Variants in CTNNA2 observed in about 807,000 individuals in gnomAD.
The protein encoded by CTNNA2 is catenin alpha 2.
Under a neutral mutation model 101.0 loss-of-function variants are expected in CTNNA2, and 42 were observed. The observed-to-expected ratio is 0.42, with a 90% CI of 0.32 to 0.54. CTNNA2 has a LOEUF of 0.54. CTNNA2 is among the 20% of genes least tolerant of loss of function. CTNNA2 has a pLI of 0.14. For synonymous variants in CTNNA2, 450 were observed against 456.4 expected, an observed-to-expected ratio of 0.99 and a Z score of 0.18; for missense variants, 871 against 1,223.1, an observed-to-expected ratio of 0.71 and a Z score of 4.29.
intron 1 of CTNNA2, among the ~76,000 whole-genome samples, chr2:79,605,991 C>G (rs1278811479): frequency 6.6e-6 from 1 of 151,656 alleles, no homozygotes; most frequent in Non-Finnish European, 1.5e-5. Flanking sequence ...TTTTAAAATG[C>G]TGAAAGAAAA....
intron 4 of CTNNA2, among the ~76,000 whole-genome samples, chr2:79,495,166 C>A (rs146137214): frequency 0.01 from 1,544 of 151,952 alleles, 18 homozygotes; most frequent in South Asian, 0.068. Flanking sequence ...GCAAATGACA[C>A]CATAGAAGGA....
At position 79,199,317 on chromosome 2, in the gene CTNNA2, T is replaced by C. The variant is rs150160398; in HGVS notation, c.-406+1241T>C. ...TTTAGGTAAATGCAAAGTTCCCTAT[T>C]CTTGTCCCCACAAATAAAACAATGA... On this transcript the variant is annotated intron_variant, in intron 2 of 21. Coordinates refer to the CTNNA2 transcript ENST00000466387. 1.6e-4 allele frequency among the ~76,000 whole-genome samples: 24 copies of C among 152,290 alleles called. No homozygotes were observed. The East Asian group carries it at 4.6e-3, about 29-fold the overall frequency.
chr2:80,025,719 T>C (rs1694886314), intron 7 of CTNNA2, among the ~76,000 whole-genome samples: 1 of 152,084 alleles, frequency 6.6e-6, no homozygotes, highest in African/African-American at 2.4e-5. Context: ...TAATGGAATA[T>C]AAGGAAGTAG....
intron 9 of CTNNA2, among the ~76,000 whole-genome samples, chr2:80,522,465 G>A (rs568675901): frequency 6.6e-6 from 1 of 152,352 alleles, no homozygotes; most frequent in African/African-American, 2.4e-5. Context: ...TTGCATTGAA[G>A]GGGTTAGGAA....
intron 7 of CTNNA2, among the ~76,000 whole-genome samples, chr2:80,378,449 A>G (rs1676191138): frequency 7.3e-6 from 1 of 136,944 alleles, no homozygotes; most frequent in Admixed American, 7.1e-5. Flanking sequence ...CAGTATACAC[A>G]CACACACACA....
chr2:79,398,450 T>C (rs1204588926), intron 4 of CTNNA2, among the ~76,000 whole-genome samples: 1 of 152,158 alleles, frequency 6.6e-6, no homozygotes, highest in East Asian at 1.9e-4. Context: ...ACCTGAGTTT[T>C]TTATTCAGTA....
intron 3 of CTNNA2, chr2:79,319,634 GT>G (rs1368995140): frequency 7.2e-5 from 11 of 151,852 alleles, no homozygotes; most frequent in Non-Finnish European, 1.5e-4. Flanking sequence ...ATGAGAATTA[GT>G]TTTTTATGTT....
rs73940955 is a variant in CTNNA2, at chr2:80,122,116, T to C, written c.1056+212319T>C. Among the ~76,000 whole-genome samples the C allele has an allele frequency of 2.6e-3, 394 of 152,236 alleles. 3 individuals carry two copies. The highest frequency in any genetic ancestry group is 8.7e-3 in the African/African-American group (361 of 41,538). On this transcript the variant is annotated intron_variant, in intron 7 of 18. Transcript: ENST00000402739. ...GATAAATTCACAGATGGCTCACCTT[T>C]TTTTCTGTAAGGAATTACGTGGCTC... is the stretch of plus-strand genomic sequence containing the variant.
intron 7 of CTNNA2, among the ~76,000 whole-genome samples, chr2:80,085,223 A>G (rs546046194): frequency 1.1e-4 from 17 of 152,194 alleles, no homozygotes; most frequent in African/African-American, 4.1e-4. Context: ...TGCTCATCAC[A>G]GTTGCTCAGT....
At chr2:80,084,799 A>T (rs559521955) in intron 7 of CTNNA2, among the ~76,000 whole-genome samples, 1 of 152,144 alleles carries the variant, frequency 6.6e-6, no homozygotes, top group East Asian at 1.9e-4. Context: ...GGAATTACTT[A>T]TATTTTGCCT....
chr2:79,250,907 C>T (rs1310863702), intron 2 of CTNNA2, among the ~76,000 whole-genome samples: 1 of 152,100 alleles, frequency 6.6e-6, no homozygotes, highest in African/African-American at 2.4e-5. Context: ...TGTGTGTAGA[C>T]GTTGCTCCTC....
chr2:79,493,219 G>A (rs1671221671), intron 4 of CTNNA2, among the ~76,000 whole-genome samples: 1 of 151,918 alleles, frequency 6.6e-6, no homozygotes, highest in South Asian at 2.1e-4. Context: ...AGAAAAACAG[G>A]AGGGAAGGGG....
chr2:79,671,673 TA>T (rs1387291106), intron 2 of CTNNA2, among the ~76,000 whole-genome samples: 1 of 152,254 alleles, frequency 6.6e-6, no homozygotes, highest in Non-Finnish European at 1.5e-5. Flanking sequence ...CGGCAAATAG[TA>T]AATGCTTAAT....
chr2:79,214,719 G>A (rs911992494), intron 2 of CTNNA2, among the ~76,000 whole-genome samples: 7 of 152,018 alleles, frequency 4.6e-5, no homozygotes, highest in East Asian at 1.9e-4. Context: ...GGAAAAGGGC[G>A]GCAGTGAGAT....
chr2:80,194,704 A>G (rs764904574), intron 7 of CTNNA2, among the ~76,000 whole-genome samples: 2 of 150,660 alleles, frequency 1.3e-5, no homozygotes, highest in Middle Eastern at 3.5e-3. Context: ...TTTGAGGAAA[A>G]ATACCCGTGT....
chr2:79,963,787 T>C (rs916152899), intron 7 of CTNNA2, among the ~76,000 whole-genome samples: 1 of 152,216 alleles, frequency 6.6e-6, no homozygotes, highest in African/African-American at 2.4e-5. Flanking sequence ...TTACCTTAGC[T>C]GGTAGAAATG....
At chr2:80,573,074 T>G (rs899066705) in intron 12 of CTNNA2, 1 of 152,128 alleles carries the variant, frequency 6.6e-6, no homozygotes, top group Non-Finnish European at 1.5e-5. Context: ...TGAAAGTGAG[T>G]ATAAAGAGGA....
At chr2:80,605,532 T>A (rs1219976589) in intron 16 of CTNNA2, 1 of 151,914 alleles carries the variant, frequency 6.6e-6, no homozygotes, top group Non-Finnish European at 1.5e-5. Flanking sequence ...GATTTTTGAG[T>A]CTTTGTGTTG....
At chr2:79,198,443 T>C (rs978528014) in intron 2 of CTNNA2, among the ~76,000 whole-genome samples, 2 of 152,204 alleles carry the variant, frequency 1.3e-5, no homozygotes, top group African/African-American at 4.8e-5. Context: ...ATTCAAAAGC[T>C]ATTTCATAAA....
Sources: gnomAD v4.1 joint callset for allele counts (sites outside exome capture counted in the v4.1 genomes callset) on GRCh38, gnomAD v4.1.1 for gene constraint, MANE v1.5 for transcripts, NCBI Gene and HGNC (gene_info 2026-07-23, HGNC 2026-07-21) for gene names.